Variants in PDCD5 observed in about 807,000 individuals in gnomAD.
PDCD5 encodes programmed cell death protein 5.
PDCD5 carries 23 observed loss-of-function variants against 21.9 expected under a neutral mutation model. The ratio of observed to expected loss-of-function variants is 1.05; its 90% confidence interval spans 0.76 to 1.49. The LOEUF (loss-of-function observed/expected upper bound fraction) is 1.49, where lower values mean the gene tolerates loss of function less well. PDCD5 is among the 40% of genes most tolerant of loss of function. PDCD5 has a pLI of 0.00. For missense variants in PDCD5, 152 were observed against 147.7 expected (o/e 1.03, Z -0.15); for synonymous variants, 45 against 49.4 (o/e 0.91, Z 0.37).
chr19:32,587,009 T>C (rs1338856100), intron 5 of PDCD5, 80 bp downstream of exon 5: 17 of 1,211,972 alleles, frequency 1.4e-5, no homozygotes, highest in Admixed American at 2.1e-5. Context: ...CTACCACACA[T>C]ATTTTTCAGC....
In PDCD5 at chr19:32,581,205, G is replaced by A; in HGVS notation, c.-57G>A. On this transcript the variant is annotated 5_prime_UTR_variant, in exon 1 of 6. Transcript: ENST00000590247. ...GCGCCTGCGCAGTGGTCAAGGCCGC[G>A]CTCGCGCCGAGGGGCTGCGAGAGTG... The A allele has an allele frequency of 1.5e-6, 2 of 1,319,174 alleles. No homozygotes were observed. Among genetic ancestry groups the A allele is most frequent in the Non-Finnish European group, 2.0e-6 (2 of 990,568 alleles). 81.7% of individuals were successfully genotyped at this position (1,319,174 alleles called of 1,614,324 possible).
At chr19:32,583,802 C>G (rs1029909792) in intron 2 of PDCD5, among the ~76,000 whole-genome samples, 2 of 152,030 alleles carry the variant, frequency 1.3e-5, no homozygotes, top group Non-Finnish European at 2.9e-5. Flanking sequence ...CACCACTGTA[C>G]TCCAGCATGA....
chr19:32,586,704 T>C, intron 4 of PDCD5, 154 bp from the exon 5 acceptor site: 2 of 1,359,396 alleles, frequency 1.5e-6, no homozygotes, highest in Non-Finnish European at 1.9e-6. Flanking sequence ...AAACCAATAG[T>C]TATAACCAAT....
rs1380949277 is a variant in PDCD5 at position 32,585,889 on chromosome 19, T to C, written c.240T>C (p.Tyr80=). ...ATTACCTTATACAGATGGCAAGATA[T>C]GGACAACTAAGTGAGAAGGTAAGCT... is the stretch of plus-strand genomic sequence containing the variant. ...VENYLIQMAR[Y]GQLSEKVSEQ... Residue 80 remains tyrosine (Y), a synonymous_variant, in exon 4 of 6, where the codon TAT becomes TAC. Transcript: ENST00000590247. 5.0e-6 allele frequency: 8 copies of C among 1,612,058 alleles called. No homozygotes were observed. Among genetic ancestry groups the C allele is most frequent in the South Asian group, 1.1e-5 (1 of 91,036 alleles).
At chr19:32,587,006 A>G in intron 5 of PDCD5, 77 bp downstream of exon 5, 1 of 1,236,838 alleles carries the variant, frequency 8.1e-7, no homozygotes, top group Non-Finnish European at 1.2e-6. Context: ...CATCTACCAC[A>G]CATATTTTTC....
chr19:32,586,888 A>G lies in PDCD5; in HGVS notation c.289A>G (p.Lys97Glu), dbSNP rs1043856377. 2.5e-6 allele frequency: 4 copies of G among 1,612,168 alleles called. No individual in the cohort carries two copies. The East Asian group carries it at 6.7e-5, about 27-fold the overall frequency. Residue 97 changes from lysine (K) to glutamate (E), a missense_variant, in exon 5 of 6, where the codon AAA becomes GAA. Physicochemically the swap from Lys to Glu is moderately conservative, Grantham distance 56 (BLOSUM62 1). Transcript: ENST00000590247. ...AGAACAAGGTTTAATAGAAATCCTT[A>G]AAAAAGTAAGCCAACAAACAGAAAA... ...VSEQGLIEIL[K>E]KVSQQTEKTT...
intron 2 of PDCD5, among the ~76,000 whole-genome samples, chr19:32,584,658 TAAG>T (rs761480324): frequency 3.4e-4 from 51 of 152,204 alleles, no homozygotes; most frequent in Non-Finnish European, 5.4e-4. Context: ...AATAGGTACT[TAAG>T]AAATGTTGGT....
At chr19:32,586,478 AC>A in intron 4 of PDCD5, 1 of 1,100,240 alleles carries the variant, frequency 9.1e-7, no homozygotes, top group Non-Finnish European at 1.1e-6. Context: ...AGTGTGACTT[AC>A]CTCCTTCAAG....
chr19:32,585,731 G>T, intron 3 of PDCD5, 85 bp from the exon 4 acceptor site: 1 of 786,686 alleles, frequency 1.3e-6, no homozygotes, highest in Non-Finnish European at 2.2e-6. Flanking sequence ...GAAGTGCTTT[G>T]GAAAGGTCAA....
intron 4 of PDCD5, 107 bp downstream of exon 4, chr19:32,586,014 T>C (rs771866579): frequency 3.7e-6 from 6 of 1,605,628 alleles, no homozygotes; most frequent in Non-Finnish European, 5.1e-6. Context: ...TTGCTGACTC[T>C]CAGAAGAAAT....
chr19:32,584,720 CT>C (rs1971459630), intron 2 of PDCD5: 1 of 529,550 alleles, frequency 1.9e-6, no homozygotes, highest in Non-Finnish European at 3.4e-6. Context: ...TAAAGCTCAC[CT>C]TCCAGCCTGG....
rs1344025213 is a variant in PDCD5, at chr19:32,581,281, A to G, written c.20A>G (p.Glu7Gly). Residue 7 changes from glutamate to glycine, a missense_variant, in exon 1 of 6, where the codon GAG (glutamate) becomes GGG (glycine). Glu to Gly is a moderately conservative substitution (Grantham distance 98). Coordinates refer to ENST00000590247, the MANE Select transcript of PDCD5 (RefSeq NM_004708.4). MADEEL[E>G]ALRRQRLAEL... is the part of the protein sequence containing the mutation. ...CGAGCCATGGCGGACGAGGAGCTTG[A>G]GGCGCTGAGGAGACAGAGGCTGGCC... 7.2e-6 allele frequency: 11 copies of G among 1,528,922 alleles called. No homozygotes were observed. The African/African-American group carries it at 1.4e-4, about 20-fold the overall frequency. The allele number at this position is 1,528,922 out of a possible 1,614,324, so 94.7% of individuals were successfully genotyped here.
At chr19:32,586,829 G>A (rs926104810) in intron 4 of PDCD5, 29 bp from the exon 5 acceptor site, 19 of 1,589,250 alleles carry the variant, frequency 1.2e-5, no homozygotes, top group South Asian at 2.3e-5. Context: ...AAAAAGTACT[G>A]TTTTTCTTAT....
intron 3 of PDCD5, 28 bp downstream of exon 3, chr19:32,585,039 A>G (rs775430879): frequency 1.3e-6 from 2 of 1,571,032 alleles, no homozygotes. Flanking sequence ...CATTTCCATA[A>G]AGTTAGCTTG....
chr19:32,586,343 A>C, intron 4 of PDCD5: 1 of 1,274,906 alleles, frequency 7.8e-7, no homozygotes, highest in Non-Finnish European at 9.9e-7. Flanking sequence ...GATCAAGACG[A>C]ACCCCACCTG....
At chr19:32,581,581 T>C in intron 1 of PDCD5, 1 of 347,222 alleles carries the variant, frequency 2.9e-6, no homozygotes. Flanking sequence ...TCCCCTAGCC[T>C]GGAGCGGGCT....
At chr19:32,586,174 T>G in intron 4 of PDCD5, 2 of 1,453,238 alleles carry the variant, frequency 1.4e-6, no homozygotes, top group Admixed American at 5.3e-5. Flanking sequence ...CAATTGCCCC[T>G]GCACTGGAAG....
intron 3 of PDCD5, 72 bp from the exon 4 acceptor site, chr19:32,585,744 C>A: frequency 1.2e-6 from 1 of 868,776 alleles, no homozygotes; most frequent in Non-Finnish European, 1.9e-6. Context: ...AAGGTCAATG[C>A]ATAGTTTTAA....
chr19:32,587,285 A>C lies in PDCD5; in HGVS notation c.363A>C (p.Glu121Asp), dbSNP rs1599723932. 1.2e-6 allele frequency: 2 copies of C among 1,607,598 alleles called. No homozygotes were observed. The highest frequency in any genetic ancestry group is 2.2e-5 in the South Asian group (2 of 90,858). The change falls in exon 6 of 6, where the codon GAA becomes GAC. Residue 121 changes from glutamate to aspartate, a missense_variant. Transcript: ENST00000590247. ...FNRRKVMDSD[E>D]DDDY ...GAAGAAAAGTAATGGACTCTGATGA[A>C]GATGACGATTATTGAACTACAAGTG...
Sources: allele counts gnomAD v4.1 joint callset (sites outside exome capture counted in the v4.1 genomes callset), GRCh38; gene constraint gnomAD v4.1.1; transcripts MANE v1.5; gene names NCBI Gene and HGNC (gene_info 2026-07-23, HGNC 2026-07-21).